The following GRID1 variants were observed in gnomAD, a reference collection of about 807,000 sequenced individuals.
GRID1 encodes glutamate ionotropic receptor delta type subunit 1, also known as glutamate receptor ionotropic, delta-1.
A neutral mutation model predicts 98.0 loss-of-function variants in GRID1; 28 were observed. The observed-to-expected ratio is 0.29, with a 90% confidence interval of 0.21 to 0.39. The LOEUF is 0.39. GRID1 is among the 10% of genes least tolerant of loss of function. The pLI is 1.00. For synonymous variants in GRID1, 553 were observed against 538.5 expected (o/e 1.03, Z -0.37); for missense variants, 1,111 against 1,340.5 (o/e 0.83, Z 2.67).
intron 4 of GRID1, among the ~76,000 whole-genome samples, chr10:86,101,511 T>C (rs1844295375): frequency 6.6e-6 from 1 of 152,180 alleles, no homozygotes; most frequent in Non-Finnish European, 1.5e-5. Flanking sequence ...CATCACATAA[T>C]TGAAATTATG....
At chr10:86,162,975 G>A (rs1845343733) in intron 3 of GRID1, among the ~76,000 whole-genome samples, 1 of 152,180 alleles carries the variant, frequency 6.6e-6, no homozygotes, top group Non-Finnish European at 1.5e-5. Flanking sequence ...AGTGTCAGGG[G>A]GTTGTTGAGT....
At chr10:85,773,943 A>G (rs186668993) in intron 8 of GRID1, among the ~76,000 whole-genome samples, 2 of 152,312 alleles carry the variant, frequency 1.3e-5, no homozygotes, top group Non-Finnish European at 2.9e-5. Flanking sequence ...CAAGCTACCA[A>G]TGACTTTCTT....
chr10:85,740,782 C>T (rs1465911023), intron 8 of GRID1, among the ~76,000 whole-genome samples: 3 of 150,822 alleles, frequency 2.0e-5, no homozygotes, highest in Admixed American at 1.3e-4. Flanking sequence ...AATGGAGTCT[C>T]GCTCTGTCAC....
chr10:86,098,206 T>A (rs1844248354), intron 4 of GRID1, among the ~76,000 whole-genome samples: 1 of 152,244 alleles, frequency 6.6e-6, no homozygotes, highest in South Asian at 2.1e-4. Context: ...TGATCTTAAA[T>A]CACTCATATT....
At chr10:85,940,493 T>G (rs1205477592) in intron 4 of GRID1, among the ~76,000 whole-genome samples, 1 of 152,200 alleles carries the variant, frequency 6.6e-6, no homozygotes, top group Non-Finnish European at 1.5e-5. Context: ...GTGCACACAC[T>G]GATGTGGCTT....
At position 85,602,532 on chromosome 10, in the gene GRID1, T is replaced by G; in HGVS notation, c.2771A>C (p.Gln924Pro). Residue 924 changes from glutamine to proline, a missense_variant, in exon 16 of 16, where the codon CAG becomes CCG. By Grantham distance (76) the Gln-to-Pro change is moderately conservative. Around this residue, in one of 3 missense-constraint regions of GRID1, gnomAD observed 762 missense variants for 869.1 expected, o/e 0.88. Coordinates refer to ENST00000327946, the MANE Select transcript of GRID1 (RefSeq NM_017551.3). The part of the protein sequence containing the change: ...LEPTREYQNT[Q>P]LSVSTFLPEQ... ...TGGCAGAAAGGTGCTGACCGAGAGC[T>G]GGGTGTTCTGGTACTCCCGTGTCGG... The G allele has an allele frequency of 6.2e-7, 1 of 1,613,850 alleles. No homozygotes were observed. The highest frequency in any genetic ancestry group is 1.1e-5 in the South Asian group (1 of 91,066).
intron 4 of GRID1, among the ~76,000 whole-genome samples, chr10:85,941,158 C>T (rs899457146): frequency 6.6e-6 from 1 of 152,186 alleles, no homozygotes; most frequent in Non-Finnish European, 1.5e-5. Context: ...CAAATCCTGG[C>T]TGCACTATAT....
intron 9 of GRID1, 60 bp downstream of exon 9, chr10:85,729,453 G>T: frequency 1.1e-6 from 1 of 935,162 alleles, no homozygotes; most frequent in Non-Finnish European, 1.7e-6. Flanking sequence ...ACAGAAAGCA[G>T]CCTCTGATTC....
intron 8 of GRID1, among the ~76,000 whole-genome samples, chr10:85,795,433 C>T (rs920252586): frequency 1.3e-5 from 2 of 152,188 alleles, no homozygotes; most frequent in African/African-American, 4.8e-5. Context: ...CAAAAAGCCA[C>T]AGTCATCAAA....
intron 8 of GRID1, among the ~76,000 whole-genome samples, chr10:85,836,307 G>T (rs1194689607): frequency 6.6e-6 from 1 of 152,162 alleles, no homozygotes; most frequent in Non-Finnish European, 1.5e-5. Flanking sequence ...CCCATGGAGG[G>T]ATGGAAATGA....
At chr10:86,351,795 A>T (rs1848465907) in intron 2 of GRID1, among the ~76,000 whole-genome samples, 1 of 152,228 alleles carries the variant, frequency 6.6e-6, no homozygotes, top group South Asian at 2.1e-4. Flanking sequence ...GCCAGGTGAC[A>T]TCATGAGAAC....
chr10:85,896,418 T>C (rs1438216994), intron 5 of GRID1, among the ~76,000 whole-genome samples: 2 of 152,220 alleles, frequency 1.3e-5, no homozygotes, highest in African/African-American at 2.4e-5. Flanking sequence ...TCAGACCAAC[T>C]TGAGCTTAAA....
intron 4 of GRID1, among the ~76,000 whole-genome samples, chr10:85,967,338 GAGAA>G (rs3057905): frequency 8.0e-4 from 122 of 151,556 alleles, no homozygotes; most frequent in African/African-American, 1.8e-3. Flanking sequence ...ACCACCAAAA[GAGAA>G]AGAAAGAAAG....
rs529184903 is a variant in GRID1, at chr10:85,847,057, A to G, written c.1233+7439T>C. Reference sequence around the variant, plus strand: ...AGCATCTGAGAGAGAAATTCTGCCAATGTTACCTACGCATCTAGCAGGAAA... The same window carrying G: ...AGCATCTGAGAGAGAAATTCTGCCAGTGTTACCTACGCATCTAGCAGGAAA... On this transcript the variant is annotated intron_variant, in intron 8 of 15. Transcript: ENST00000327946. 5.7e-4 allele frequency among the ~76,000 whole-genome samples: 87 copies of G among 152,338 alleles called. 2 individuals are homozygous for G. Among genetic ancestry groups the G allele is most frequent in the Admixed American group, 1.5e-3 (23 of 15,300 alleles).
intron 8 of GRID1, among the ~76,000 whole-genome samples, chr10:85,757,256 C>G (rs1842108207): frequency 6.6e-6 from 1 of 152,218 alleles, no homozygotes; most frequent in African/African-American, 2.4e-5. Flanking sequence ...GAACACCTTC[C>G]TGGTCATTAT....
intron 3 of GRID1, among the ~76,000 whole-genome samples, chr10:86,183,809 A>G (rs1179175955): frequency 6.6e-6 from 1 of 152,234 alleles, no homozygotes; most frequent in African/African-American, 2.4e-5. Context: ...GACTGATATG[A>G]TAGGTGTATG....
At chr10:86,093,858 C>T (rs1214185898) in intron 4 of GRID1, among the ~76,000 whole-genome samples, 15 of 152,174 alleles carry the variant, frequency 9.9e-5, no homozygotes, top group Non-Finnish European at 8.8e-5. Flanking sequence ...AAGCCAGCAT[C>T]ACTCTAATAC....
At chr10:86,272,129 T>G (rs544996083) in intron 2 of GRID1, among the ~76,000 whole-genome samples, 1 of 152,260 alleles carries the variant, frequency 6.6e-6, no homozygotes, top group South Asian at 2.1e-4. Flanking sequence ...ACATCTTTAG[T>G]ATTGAAAGAG....
At chr10:85,847,521 A>C (rs1407866100) in intron 8 of GRID1, among the ~76,000 whole-genome samples, 1 of 152,232 alleles carries the variant, frequency 6.6e-6, no homozygotes, top group Non-Finnish European at 1.5e-5. Flanking sequence ...AAAATGATTA[A>C]TAATTTCTAA....
Sources: allele counts gnomAD v4.1 joint callset (sites outside exome capture counted in the v4.1 genomes callset), GRCh38; gene constraint gnomAD v4.1.1; regional missense constraint gnomAD v4.1.1; transcripts MANE v1.5; gene names NCBI Gene and HGNC (gene_info 2026-07-23, HGNC 2026-07-21).